The following BBX variants were observed in gnomAD, a reference collection of about 807,000 sequenced individuals.
BBX encodes HMG box transcription factor BBX.
In BBX, 30 loss-of-function variants were observed where a neutral mutation model predicts 100.2. That is an observed-to-expected ratio of 0.30 (90% CI 0.22 to 0.41). The LOEUF (loss-of-function observed/expected upper bound fraction) is 0.41. Among genes scored for constraint, BBX ranks in the 10% least tolerant of loss-of-function variants. BBX has a pLI of 1.00. For missense variants in BBX, 1,023 were observed against 1,129.8 expected (o/e 0.91, Z 1.35); for synonymous variants, 376 against 388.1 (o/e 0.97, Z 0.37).
At chr3:107,593,016 A>G (rs1323504866) in intron 2 of BBX, among the ~76,000 whole-genome samples, 1 of 152,190 alleles carries the variant, frequency 6.6e-6, no homozygotes, top group Non-Finnish European at 1.5e-5. Flanking sequence ...TACTTCTAAA[A>G]AGCTAATTAT....
rs200343156 is a variant in BBX at position 107,540,887 on chromosome 3, A to AT, written c.-84+14498dup. Among the ~76,000 whole-genome samples the AT allele has an allele frequency of 4.2e-4, 64 of 151,548 alleles. No homozygotes were observed. The East Asian group carries it at 7.9e-3, about 19-fold the overall frequency. ...TTATGTATTCACTCCTCTTTTTGGA[A>AT]TTTTTTTTTACTGAGACTTCCTTTT... On this transcript the variant is annotated intron_variant, in intron 2 of 17. Coordinates refer to ENST00000325805, the MANE Select transcript of BBX (RefSeq NM_001142568.3).
rs569427270 is a variant in BBX at position 107,713,967 on chromosome 3, C to CTTT, written c.163-2616_163-2614dup. ...TTTTAATTTTTTTAATAATTTTTTT[C>CTTT]TTTTTTTTTTTTTTTTTTTTTTTTT... On this transcript the variant is annotated intron_variant, in intron 4 of 17. Coordinates refer to ENST00000325805, the MANE Select transcript of BBX (RefSeq NM_001142568.3). Among the ~76,000 whole-genome samples, 34 of 82,318 alleles carry CTTT rather than the reference C, an allele frequency of 4.1e-4. 2 individuals carry two copies. The highest frequency in any genetic ancestry group is 3.0e-3 in the East Asian group (9 of 2,996). The allele number at this position is 82,318 out of a possible 152,430, so 54.0% of individuals were successfully genotyped here. A position where few individuals can be genotyped will look rare whatever the true frequency, so the allele number is the denominator to read the frequency against.
intron 2 of BBX, among the ~76,000 whole-genome samples, chr3:107,621,443 A>G (rs558714334): frequency 3.9e-4 from 59 of 152,090 alleles, no homozygotes; most frequent in Middle Eastern, 3.4e-3. Context: ...GGATATGCAC[A>G]TGTTTCATTT....
At chr3:107,744,189 G>A (rs1248063324) in intron 7 of BBX, among the ~76,000 whole-genome samples, 2 of 151,974 alleles carry the variant, frequency 1.3e-5, no homozygotes, top group African/African-American at 2.4e-5. Context: ...GGCAGTGTTG[G>A]GGATAATGCA....
chr3:107,539,567 C>T (rs1484867658), intron 2 of BBX, among the ~76,000 whole-genome samples: 5 of 152,128 alleles, frequency 3.3e-5, no homozygotes, highest in African/African-American at 1.2e-4. Context: ...GTGTGATTAT[C>T]CAAGTCAATG....
chr3:107,523,247 C>CGGCGGT, intron 1 of BBX, 140 bp downstream of exon 1: 1 of 224,360 alleles, frequency 4.5e-6, no homozygotes, highest in East Asian at 1.2e-4. Context: ...GCGGCGGCGG[C>CGGCGGT]AGCCGGTAGG....
chr3:107,642,495 A>C (rs1193098548), intron 2 of BBX, among the ~76,000 whole-genome samples: 1 of 152,234 alleles, frequency 6.6e-6, no homozygotes, highest in African/African-American at 2.4e-5. Context: ...TTTGTGGAAG[A>C]GTGGGTATTA....
intron 4 of BBX, among the ~76,000 whole-genome samples, chr3:107,711,979 A>T (rs2061754015): frequency 6.6e-6 from 1 of 152,028 alleles, no homozygotes; most frequent in Non-Finnish European, 1.5e-5. Context: ...AGGCTCAAGC[A>T]GTCTTCCCAC....
At chr3:107,584,032 TTAA>T (rs2052522614) in intron 2 of BBX, among the ~76,000 whole-genome samples, 1 of 65,346 alleles carries the variant, frequency 1.5e-5, no homozygotes, top group East Asian at 3.4e-4. Flanking sequence ...ATTATATATA[TTAA>T]TTATATATAT....
intron 7 of BBX, among the ~76,000 whole-genome samples, chr3:107,741,757 T>C (rs73850153): frequency 0.017 from 2,649 of 152,324 alleles, 71 homozygotes; most frequent in African/African-American, 0.06. Flanking sequence ...CACAATGATA[T>C]GGCACAATAT....
intron 2 of BBX, among the ~76,000 whole-genome samples, chr3:107,605,882 C>T (rs1249089191): frequency 6.6e-6 from 1 of 152,118 alleles, no homozygotes; most frequent in Non-Finnish European, 1.5e-5. Flanking sequence ...ATTTTCTTGT[C>T]CCCAAGCTTT....
intron 8 of BBX, among the ~76,000 whole-genome samples, chr3:107,746,189 A>G (rs912643356): frequency 2.0e-5 from 3 of 152,106 alleles, no homozygotes; most frequent in Admixed American, 6.5e-5. Context: ...ATATTTGTGT[A>G]TTTCCCCTTA....
At chr3:107,725,672 G>A (rs2062871745) in intron 5 of BBX, among the ~76,000 whole-genome samples, 1 of 152,064 alleles carries the variant, frequency 6.6e-6, no homozygotes, top group South Asian at 2.1e-4. Context: ...AGTAAAATCA[G>A]TAGCAGGATT....
intron 2 of BBX, among the ~76,000 whole-genome samples, chr3:107,633,414 C>G (rs1019609266): frequency 6.6e-6 from 1 of 152,046 alleles, no homozygotes; most frequent in Non-Finnish European, 1.5e-5. Flanking sequence ...GATATTAATA[C>G]TGATATTAAT....
intron 5 of BBX, 82 bp downstream of exon 5, chr3:107,716,931 T>C: frequency 1.3e-6 from 2 of 1,516,426 alleles, no homozygotes; most frequent in South Asian, 1.2e-5. Flanking sequence ...AAGCACCTGT[T>C]GAAGGTCTAG....
intron 13 of BBX, among the ~76,000 whole-genome samples, chr3:107,789,581 T>G (rs1161458370): frequency 6.6e-6 from 1 of 152,124 alleles, no homozygotes; most frequent in Non-Finnish European, 1.5e-5. Context: ...GCCCAATACA[T>G]TTCTAAGGAA....
At chr3:107,657,703 G>T (rs1487784999) in intron 3 of BBX, among the ~76,000 whole-genome samples, 1 of 152,042 alleles carries the variant, frequency 6.6e-6, no homozygotes, top group African/African-American at 2.4e-5. Context: ...TGAAGTTTGG[G>T]ATGGATTGGA....
chr3:107,595,851 T>C (rs983377100), intron 2 of BBX, among the ~76,000 whole-genome samples: 1 of 152,230 alleles, frequency 6.6e-6, no homozygotes, highest in East Asian at 1.9e-4. Context: ...TGTGTGTAAC[T>C]TTTGACTCCG....
At position 107,547,614 on chromosome 3, in the gene BBX, A is replaced by G. The variant is rs1488311025; in HGVS notation, c.-84+21216A>G. 1.3e-5 allele frequency among the ~76,000 whole-genome samples: 2 copies of G among 152,270 alleles called. 1 individual carries two copies. The highest frequency in any genetic ancestry group is 4.8e-5 in the African/African-American group (2 of 41,564). On this transcript the variant is annotated intron_variant, in intron 2 of 17. Transcript: ENST00000325805. ...AATAAAATATGATATTAAATATAAT[A>G]TGTACTTACTGCCTGTGGTGTACCC...
Sources: allele counts gnomAD v4.1 joint callset (sites outside exome capture counted in the v4.1 genomes callset), GRCh38; gene constraint gnomAD v4.1.1; transcripts MANE v1.5; gene names NCBI Gene and HGNC (gene_info 2026-07-23, HGNC 2026-07-21).